The following TRIQK variants were observed in gnomAD, a reference collection of about 807,000 sequenced individuals.
TRIQK encodes triple QxxK/R motif-containing protein.
A neutral mutation model predicts 10.8 loss-of-function variants in TRIQK; 10 were observed. The observed-to-expected ratio is 0.92, with a 90% confidence interval of 0.57 to 1.57. The LOEUF is 1.57. Among genes scored for constraint, TRIQK ranks in the 40% most tolerant of loss-of-function variants. The pLI is 0.00. For missense variants in TRIQK, 107 were observed against 97.7 expected (o/e 1.09, Z -0.40); for synonymous variants, 33 against 33.7 (o/e 0.98, Z 0.07).
intron 3 of TRIQK, among the ~76,000 whole-genome samples, chr8:92,892,322 A>G (rs1378031855): frequency 2.0e-5 from 3 of 151,934 alleles, no homozygotes; most frequent in Non-Finnish European, 4.4e-5. Context: ...AAAGATAAAA[A>G]CTTGTTTTAG....
intron 4 of TRIQK, among the ~76,000 whole-genome samples, chr8:92,890,963 C>A (rs1456902601): frequency 6.6e-6 from 1 of 151,710 alleles, no homozygotes. Context: ...AAAGATGAAT[C>A]TTCTCTCTTT....
Position 92,887,406 on chromosome 8 carries a change from T to C in TRIQK, c.148-671A>G, listed in dbSNP as rs1816542305. 2.0e-5 allele frequency among the ~76,000 whole-genome samples: 3 copies of C among 151,506 alleles called. No homozygotes were observed. In the South Asian group the frequency reaches 6.2e-4, roughly 31 times the overall value. On this transcript the variant is annotated intron_variant, in intron 4 of 4. Transcript: ENST00000521988. The stretch of plus-strand genomic sequence containing the variant: ...CCCAGATTTTTCATTTGTGATGTGA[T>C]GTGGATTAAATTAATCAACTATATT...
chr8:93,010,681 C>A (rs112652037), intron 1 of TRIQK, among the ~76,000 whole-genome samples: 1 of 151,888 alleles, frequency 6.6e-6, no homozygotes, highest in East Asian at 1.9e-4. Context: ...CTTTATAGAA[C>A]GGCATATACA....
At chr8:92,910,972 T>A (rs1189510880) in intron 3 of TRIQK, among the ~76,000 whole-genome samples, 1 of 151,284 alleles carries the variant, frequency 6.6e-6, no homozygotes, top group African/African-American at 2.4e-5. Flanking sequence ...TAGTACTGAA[T>A]CCTAATATTA....
chr8:92,995,771 A>T (rs1278431535), intron 1 of TRIQK, among the ~76,000 whole-genome samples: 1 of 152,034 alleles, frequency 6.6e-6, no homozygotes, highest in Non-Finnish European at 1.5e-5. Flanking sequence ...GAACACGGTT[A>T]TGTGTCACAT....
intron 1 of TRIQK, among the ~76,000 whole-genome samples, chr8:93,016,262 T>G (rs1204578441): frequency 6.6e-6 from 1 of 152,212 alleles, no homozygotes; most frequent in Non-Finnish European, 1.5e-5. Flanking sequence ...TAAAAATATG[T>G]TTCCCACTTG....
chr8:92,930,187 G>A (rs1810639300), intron 2 of TRIQK, among the ~76,000 whole-genome samples: 1 of 151,120 alleles, frequency 6.6e-6, no homozygotes, highest in Non-Finnish European at 1.5e-5. Context: ...ATATCAGCCT[G>A]GCTAACATGG....
chr8:92,915,859 A>G (rs1350315938), intron 3 of TRIQK, among the ~76,000 whole-genome samples: 1 of 151,760 alleles, frequency 6.6e-6, no homozygotes, highest in African/African-American at 2.4e-5. Flanking sequence ...CTTTGTTTGC[A>G]TGTCTTTTGT....
intron 1 of TRIQK, among the ~76,000 whole-genome samples, chr8:92,976,879 A>G (rs567496441): frequency 2.0e-5 from 3 of 152,072 alleles, no homozygotes; most frequent in Admixed American, 2.0e-4. Flanking sequence ...TATTTCACAT[A>G]TAGTTAAAGA....
At chr8:92,970,993 T>C (rs189902203), upstream of TRIQK, among the ~76,000 whole-genome samples, 25 of 152,298 alleles carry the variant, frequency 1.6e-4, no homozygotes, top group Admixed American at 2.0e-4. Flanking sequence ...GGTCGGGGTC[T>C]AGTTTCAGTT....
intron 1 of TRIQK, among the ~76,000 whole-genome samples, chr8:92,980,730 A>C (rs1475576272): frequency 6.6e-6 from 1 of 151,852 alleles, no homozygotes; most frequent in Non-Finnish European, 1.5e-5. Context: ...TTATATTTTA[A>C]ATGTTACTCA....
chr8:92,953,884 C>T (rs1812038432), intron 2 of TRIQK: 1 of 151,866 alleles, frequency 6.6e-6, no homozygotes, highest in South Asian at 2.1e-4. Context: ...GGCCCATATT[C>T]TTCCATTTTA....
At chr8:92,949,205 TGTCTAA>T (rs1375714661) in intron 2 of TRIQK, among the ~76,000 whole-genome samples, 3 of 152,192 alleles carry the variant, frequency 2.0e-5, no homozygotes, top group African/African-American at 7.2e-5. Context: ...AAATTTAATT[TGTCTAA>T]GTTTTTTCTT....
intron 1 of TRIQK, among the ~76,000 whole-genome samples, chr8:92,992,660 G>A (rs1000482178): frequency 2.0e-5 from 3 of 152,214 alleles, no homozygotes; most frequent in Admixed American, 6.5e-5. Flanking sequence ...CTGAGGCTGA[G>A]GCAGGATCAA....
rs1554595881 is a variant in TRIQK at position 92,884,235 on chromosome 8, CA to C, written c.*2386del. ...CAAAAGTGTGGTCCCTTTAAAACAG[CA>C]GGCCGGATATCACCTTTCTGTCTTC... is the stretch of plus-strand genomic sequence containing the variant. On this transcript the variant is annotated 3_prime_UTR_variant, in exon 5 of 5. Transcript: ENST00000521988. 1 of 152,352 alleles carries C rather than the reference CA, an allele frequency of 6.6e-6. No individual in the cohort carries two copies. Among genetic ancestry groups the C allele is most frequent in the Non-Finnish European group, 1.5e-5 (1 of 68,314 alleles). 9.4% of individuals were successfully genotyped at this position (152,352 alleles called of 1,614,324 possible). A position where few individuals can be genotyped will look rare whatever the true frequency, so the allele number is the denominator to read the frequency against.
At chr8:92,934,865 T>C (rs1586453863) in intron 2 of TRIQK, among the ~76,000 whole-genome samples, 1 of 151,812 alleles carries the variant, frequency 6.6e-6, no homozygotes, top group African/African-American at 2.4e-5. Context: ...AAAAGGTTAA[T>C]GGAAATAAGC....
chr8:93,000,052 T>A (rs553402034), intron 1 of TRIQK, among the ~76,000 whole-genome samples: 5 of 152,174 alleles, frequency 3.3e-5, no homozygotes, highest in Non-Finnish European at 7.4e-5. Flanking sequence ...TTCTCCGTGA[T>A]CTAAACACTA....
chr8:92,886,553 T>C lies in TRIQK; in HGVS notation c.*69A>G, dbSNP rs2130219414. ...AATTAAAGATGTTACAGTTTCAGTA[T>C]TGAAAGTTTTGGTCCCAAAAGGTGC... On this transcript the variant is annotated 3_prime_UTR_variant, in exon 5 of 5. Coordinates refer to ENST00000521988, the MANE Select transcript of TRIQK (RefSeq NM_001171797.2). The C allele has an allele frequency of 3.6e-6, 3 of 826,910 alleles. No homozygotes were observed. Among genetic ancestry groups the C allele is most frequent in the East Asian group, 2.7e-5 (1 of 36,652 alleles). 51.2% of individuals were successfully genotyped at this position (826,910 alleles called of 1,614,324 possible). A position where few individuals can be genotyped will look rare whatever the true frequency, so the allele number is the denominator to read the frequency against.
At chr8:92,954,935 C>G (rs967903130) in intron 1 of TRIQK, among the ~76,000 whole-genome samples, 1 of 151,774 alleles carries the variant, frequency 6.6e-6, no homozygotes, top group African/African-American at 2.4e-5. Flanking sequence ...AAATTATTTT[C>G]TGTTATTTTA....
Sources: allele counts gnomAD v4.1 joint callset (sites outside exome capture counted in the v4.1 genomes callset), GRCh38; gene constraint gnomAD v4.1.1; transcripts MANE v1.5; gene names NCBI Gene and HGNC (gene_info 2026-07-23, HGNC 2026-07-21).